The following EYA1 variants were observed in gnomAD, a reference collection of about 807,000 sequenced individuals.
EYA1 encodes EYA transcriptional coactivator and phosphatase 1.
EYA1 carries 16 observed loss-of-function variants against 82.0 expected under a neutral mutation model. The ratio of observed to expected loss-of-function variants is 0.20; its 90% confidence interval spans 0.13 to 0.30. The LOEUF (loss-of-function observed/expected upper bound fraction) is 0.30, where lower values mean the gene tolerates loss of function less well. Among genes scored for constraint, EYA1 ranks in the 10% least tolerant of loss-of-function variants. EYA1 has a pLI of 1.00. For synonymous variants in EYA1, 261 were observed against 264.4 expected (o/e 0.99, Z 0.12); for missense variants, 633 against 730.7 (o/e 0.87, Z 1.54).
intron 6 of EYA1, among the ~76,000 whole-genome samples, chr8:71,319,324 G>A (rs562534382): frequency 2.6e-4 from 40 of 151,980 alleles, no homozygotes; most frequent in Non-Finnish European, 4.4e-4. Context: ...TAGAGACGGC[G>A]TTTCACCGTG....
chr8:71,273,992 T>C (rs981861879), intron 9 of EYA1, among the ~76,000 whole-genome samples: 1 of 152,212 alleles, frequency 6.6e-6, no homozygotes, highest in Admixed American at 6.5e-5. Flanking sequence ...CTTTAAAAAC[T>C]CAATCTTTTA....
chr8:71,309,604 A>G (rs1229459204), intron 7 of EYA1, among the ~76,000 whole-genome samples: 2 of 152,252 alleles, frequency 1.3e-5, no homozygotes, highest in Admixed American at 6.5e-5. Flanking sequence ...TTCTATAGAT[A>G]ATAAAAAAAT....
chr8:71,405,752 A>G (rs1232911361), intron 2 of EYA1, among the ~76,000 whole-genome samples: 1 of 152,122 alleles, frequency 6.6e-6, no homozygotes, highest in Admixed American at 6.5e-5. Context: ...GAGCATGTGC[A>G]ACCTTTCCAT....
At chr8:71,325,623 T>A (rs956082828) in intron 4 of EYA1, among the ~76,000 whole-genome samples, 5 of 152,180 alleles carry the variant, frequency 3.3e-5, no homozygotes, top group African/African-American at 1.2e-4. Context: ...TAAACATACA[T>A]AATAAACCTA....
intron 7 of EYA1, among the ~76,000 whole-genome samples, chr8:71,302,020 T>C (rs1172028912): frequency 5.3e-5 from 8 of 152,162 alleles, no homozygotes; most frequent in Admixed American, 3.9e-4. Flanking sequence ...TTATACATGA[T>C]GAACATTTAA....
chr8:71,227,704 C>T (rs905258580), intron 12 of EYA1, among the ~76,000 whole-genome samples: 4 of 152,132 alleles, frequency 2.6e-5, no homozygotes, highest in Non-Finnish European at 4.4e-5. Flanking sequence ...TCCCACTCCT[C>T]CTAAAATCAT....
At chr8:71,484,599 C>T (rs980668134) in intron 2 of EYA1, among the ~76,000 whole-genome samples, 16 of 152,190 alleles carry the variant, frequency 1.1e-4, no homozygotes, top group African/African-American at 3.9e-4. Flanking sequence ...AAGAAGGATA[C>T]ACTGACTTCC....
chr8:71,349,249 T>C (rs924883817), intron 3 of EYA1, among the ~76,000 whole-genome samples: 1 of 152,200 alleles, frequency 6.6e-6, no homozygotes, highest in Non-Finnish European at 1.5e-5. Context: ...ATCCTTATAA[T>C]GAAGTCCTTG....
intron 2 of EYA1, among the ~76,000 whole-genome samples, chr8:71,372,341 T>C (rs1389114078): frequency 6.6e-6 from 1 of 152,136 alleles, no homozygotes; most frequent in Non-Finnish European, 1.5e-5. Context: ...TAACCTACTA[T>C]ACTTTGTAAG....
chr8:71,368,230 G>A (rs562268590), intron 2 of EYA1, among the ~76,000 whole-genome samples: 1 of 122,684 alleles, frequency 8.2e-6, no homozygotes, highest in African/African-American at 3.1e-5. Context: ...TTACAGGCTG[G>A]TGGCTTGTTT....
At chr8:71,319,871 C>T (rs1228078561) in intron 6 of EYA1, among the ~76,000 whole-genome samples, 4 of 152,100 alleles carry the variant, frequency 2.6e-5, no homozygotes, top group East Asian at 1.9e-4. Context: ...ATCAGAAGTA[C>T]GCAGGGCATC....
chr8:71,414,910 T>C (rs1436611066), intron 2 of EYA1, among the ~76,000 whole-genome samples: 1 of 152,224 alleles, frequency 6.6e-6, no homozygotes, highest in Non-Finnish European at 1.5e-5. Flanking sequence ...GATTGAAATC[T>C]TTGGTTCTAA....
At chr8:71,465,621 CA>C (rs1202216074) in intron 2 of EYA1, among the ~76,000 whole-genome samples, 3 of 151,728 alleles carry the variant, frequency 2.0e-5, no homozygotes, top group Non-Finnish European at 4.4e-5. Flanking sequence ...GACTCCATTT[CA>C]AAAAAATAAA....
At chr8:71,542,969 A>T (rs529810206) in intron 1 of EYA1, among the ~76,000 whole-genome samples, 18 of 152,168 alleles carry the variant, frequency 1.2e-4, no homozygotes, top group Admixed American at 7.2e-4. Flanking sequence ...TGTCAGATTC[A>T]TAGTTTGCAG....
intron 11 of EYA1, among the ~76,000 whole-genome samples, chr8:71,266,203 A>G: frequency 6.6e-6 from 1 of 152,230 alleles, no homozygotes; most frequent in East Asian, 1.9e-4. Flanking sequence ...ATATACATGT[A>G]GAGTAAGGCT....
At chr8:71,424,428 T>C (rs1161055184) in intron 2 of EYA1, among the ~76,000 whole-genome samples, 4 of 152,222 alleles carry the variant, frequency 2.6e-5, no homozygotes, top group African/African-American at 9.6e-5. Flanking sequence ...CCCAAAATGC[T>C]TTGCTTAAGA....
At chr8:71,395,273 T>A (rs183158221) in intron 2 of EYA1, among the ~76,000 whole-genome samples, 1 of 152,390 alleles carries the variant, frequency 6.6e-6, no homozygotes, top group Admixed American at 6.5e-5. Flanking sequence ...CCTAATTGAA[T>A]AACCTTTATT....
At chr8:71,259,113 A>T (rs1398256858) in intron 11 of EYA1, among the ~76,000 whole-genome samples, 1 of 152,188 alleles carries the variant, frequency 6.6e-6, no homozygotes, top group African/African-American at 2.4e-5. Context: ...TTTTTCCTAT[A>T]AATCCAGCAG....
chr8:71,223,407 C>CCCTT (rs1810180278), intron 12 of EYA1, among the ~76,000 whole-genome samples: 2 of 152,294 alleles, frequency 1.3e-5, no homozygotes, highest in African/African-American at 4.8e-5. Context: ...TATATGACAC[C>CCCTT]ACCTGTGCTT....
Sources: allele counts gnomAD v4.1 joint callset (sites outside exome capture counted in the v4.1 genomes callset), GRCh38; gene constraint gnomAD v4.1.1; transcripts MANE v1.5; gene names NCBI Gene and HGNC (gene_info 2026-07-23, HGNC 2026-07-21).